The following ITIH6 variants were observed in gnomAD, a reference collection of about 807,000 sequenced individuals.
ITIH6 encodes inter-alpha-trypsin inhibitor heavy chain family member 6, also known as inter-alpha-trypsin inhibitor heavy chain H6.
In ITIH6, 60 loss-of-function variants were observed where a neutral mutation model predicts 58.2. The ratio of observed to expected loss-of-function variants is 1.03; its 90% CI spans 0.84 to 1.28. The LOEUF is 1.28. Among genes scored for constraint, ITIH6 ranks in the 50% most tolerant of loss-of-function variants. The pLI, the probability that ITIH6 is intolerant of heterozygous loss-of-function variation, is 0.00. For missense variants in ITIH6, 1,290 were observed against 1,021.1 expected (o/e 1.26, Z -3.59); for synonymous variants, 493 against 417.4 (o/e 1.18, Z -2.21).
intron 11 of ITIH6, 28 bp from the exon 12 acceptor site, chrX:54,751,408 GC>G: frequency 8.3e-7 from 1 of 1,198,340 alleles, no homozygotes; most frequent in Non-Finnish European, 1.1e-6. Flanking sequence ...TGGGCCTGGA[GC>G]GGGGGCTTTT....
intron 10 of ITIH6, 32 bp from the exon 11 acceptor site, chrX:54,753,796 A>T: frequency 8.7e-7 from 1 of 1,151,569 alleles, no homozygotes; most frequent in Non-Finnish European, 1.2e-6. Flanking sequence ...TCTAAAGTTA[A>T]AGGAATAAAT....
chrX:54,771,618 C>T (rs1460229899), intron 6 of ITIH6, among the ~76,000 whole-genome samples: 2 of 111,597 alleles, frequency 1.8e-5, no homozygotes, highest in Non-Finnish European at 3.8e-5. Flanking sequence ...TTAGTGCCCA[C>T]AGCATATTAA....
intron 6 of ITIH6, among the ~76,000 whole-genome samples, chrX:54,765,460 G>A (rs1390103406): frequency 9.6e-6 from 1 of 104,655 alleles, no homozygotes; most frequent in Non-Finnish European, 1.9e-5. Context: ...AAGGGATCCA[G>A]TTTCAGCTTT....
At position 54,798,154 on chromosome X, in the gene ITIH6, T is replaced by C. The variant is rs139045111; in HGVS notation, c.57A>G (p.Glu19=). ...CVSFLLTILL[E]LTYQGPPVPA... ...GGACAGGGGGTCCCTGGTATGTCAG[T>C]TCAAGAAGAATGGTCAGCAAAAAGC... Residue 19 remains glutamate (E), a synonymous_variant, in exon 1 of 13, where the codon GAA becomes GAG. Transcript: ENST00000218436. 1.7e-6 allele frequency: 2 copies of C among 1,193,028 alleles called. No individual in the cohort carries two copies. The highest frequency in any genetic ancestry group is 2.3e-6 in the Non-Finnish European group (2 of 886,479).
At chrX:54,762,000 T>A in intron 6 of ITIH6, among the ~76,000 whole-genome samples, 1 of 111,970 alleles carries the variant, frequency 8.9e-6, no homozygotes, top group Non-Finnish European at 1.9e-5. Context: ...TTGATGGGGA[T>A]GGCATTGAAT....
At chrX:54,766,282 T>G (rs1168208786) in intron 6 of ITIH6, among the ~76,000 whole-genome samples, 1 of 99,864 alleles carries the variant, frequency 1.0e-5, no homozygotes, top group Non-Finnish European at 2.0e-5. Flanking sequence ...CTTAAGGAGA[T>G]TTTGGGCTGA....
At chrX:54,776,289 C>A (rs1481517301) in intron 5 of ITIH6, among the ~76,000 whole-genome samples, 4 of 111,263 alleles carry the variant, frequency 3.6e-5, no homozygotes, top group Non-Finnish European at 7.6e-5. Context: ...CAGCTGTTGG[C>A]ACTTGAGTTC....
chrX:54,779,142 C>T (rs975241757), intron 5 of ITIH6, among the ~76,000 whole-genome samples: 3 of 112,301 alleles, frequency 2.7e-5, no homozygotes, highest in Non-Finnish European at 3.8e-5. Flanking sequence ...AAAGGGAGTA[C>T]TTGAATCAGA....
intron 6 of ITIH6, among the ~76,000 whole-genome samples, chrX:54,764,436 A>G (rs1200261107): frequency 2.0e-5 from 2 of 102,245 alleles, no homozygotes; most frequent in African/African-American, 7.2e-5. Context: ...CAGTCCCCAG[A>G]GTGTGATATT....
At chrX:54,776,106 G>C (rs1929045697) in intron 5 of ITIH6, among the ~76,000 whole-genome samples, 1 of 110,714 alleles carries the variant, frequency 9.0e-6, no homozygotes, top group Non-Finnish European at 1.9e-5. Context: ...GTGGGCAAGA[G>C]CATTTCTGTG....
chrX:54,764,292 G>A (rs1313756147), intron 6 of ITIH6, among the ~76,000 whole-genome samples: 1 of 105,226 alleles, frequency 9.5e-6, no homozygotes, highest in South Asian at 4.3e-4. Flanking sequence ...AAGTTTTAGG[G>A]TACATGTGCA....
chrX:54,781,403 C>T (rs1240537782), intron 5 of ITIH6, among the ~76,000 whole-genome samples: 17 of 111,881 alleles, frequency 1.5e-4, no homozygotes, highest in Non-Finnish European at 1.1e-4. Context: ...CAAGCAGCCA[C>T]ATTAAAAAGT....
chrX:54,756,985 A>G lies in ITIH6; in HGVS notation c.3089T>C (p.Phe1030Ser), dbSNP rs143446551. Reference protein sequence around the residue: ...ESLNPPAFYTFLTPDEDGSPN... With the variant: ...ESLNPPAFYTSLTPDEDGSPN... ...CTCACCATCTTCATCAGGAGTGAGG[A>G]AGGTATAGAAAGCTGGTGGGTTCAA... is the stretch of plus-strand genomic sequence containing the variant. The change falls in exon 8 of 13, where the codon TTC (phenylalanine) becomes TCC (serine). Residue 1030 changes from phenylalanine to serine, a missense_variant. By Grantham distance (155) the Phe-to-Ser change is radical. Coordinates refer to ENST00000218436, the MANE Select transcript of ITIH6 (RefSeq NM_198510.3). 2.0e-5 allele frequency: 24 copies of G among 1,187,384 alleles called. No individual in the cohort carries two copies. In the African/African-American group the frequency reaches 4.0e-4, roughly 20 times the overall value.
In ITIH6 at chrX:54,757,291, G is replaced by A. The variant is rs759312271; in HGVS notation, c.2783C>T (p.Pro928Leu). 3.3e-5 allele frequency: 40 copies of A among 1,194,729 alleles called. No homozygotes were observed. In the Admixed American group the frequency reaches 8.8e-4, roughly 26 times the overall value. Residue 928 changes from proline (P) to leucine (L), a missense_variant, in exon 8 of 13, where the codon CCC becomes CTC. Physicochemically the swap from Pro to Leu is moderately conservative, Grantham distance 98. Coordinates refer to ENST00000218436, the MANE Select transcript of ITIH6 (RefSeq NM_198510.3). The part of the protein sequence containing the change: ...TTTSVLGEPL[P>L]MPFTPTLPPG... ...GGGCAGAGTGGGAGTAAAGGGCATG[G>A]GGAGGGGTTCTCCAAGGACAGAGGT...
At chrX:54,762,469 A>G (rs753495209) in intron 6 of ITIH6, among the ~76,000 whole-genome samples, 4 of 111,037 alleles carry the variant, frequency 3.6e-5, no homozygotes, top group Non-Finnish European at 7.6e-5. Flanking sequence ...CTCACCCTCC[A>G]TTTCTTCCAG....
At chrX:54,763,829 T>G (rs1412926704) in intron 6 of ITIH6, among the ~76,000 whole-genome samples, 1 of 112,408 alleles carries the variant, frequency 8.9e-6, no homozygotes, top group East Asian at 2.8e-4. Flanking sequence ...CGTCAGTTTT[T>G]ACTTCATATA....
Position 54,777,518 on chromosome X carries a change from G to T in ITIH6, c.787-3321C>A, listed in dbSNP as rs1406394016. Among the ~76,000 whole-genome samples, 4 of 112,491 alleles carry T rather than the reference G, an allele frequency of 3.6e-5. No homozygotes were observed. The Admixed American group carries it at 3.7e-4, about 11-fold the overall frequency. On this transcript the variant is annotated intron_variant, in intron 5 of 12. Transcript: ENST00000218436. ...TTGGGTGAGACCCAGTACTGTGCTG[G>T]CTTCAAGTCTGACCCAACGCAGTCA...
At chrX:54,762,990 G>A (rs1351360663) in intron 6 of ITIH6, among the ~76,000 whole-genome samples, 1 of 112,117 alleles carries the variant, frequency 8.9e-6, no homozygotes, top group Non-Finnish European at 1.9e-5. Context: ...TACAGGTGAT[G>A]ACACTGAGAC....
At chrX:54,794,203 G>A (rs1211410998) in intron 2 of ITIH6, among the ~76,000 whole-genome samples, 1 of 110,484 alleles carries the variant, frequency 9.1e-6, no homozygotes, top group Non-Finnish European at 1.9e-5. Context: ...GGGGTGAGGG[G>A]GGTAGGGTGG....
Sources: gnomAD v4.1 joint callset for allele counts (sites outside exome capture counted in the v4.1 genomes callset) on GRCh38, gnomAD v4.1.1 for gene constraint, MANE v1.5 for transcripts, NCBI Gene and HGNC (gene_info 2026-07-23, HGNC 2026-07-21) for gene names.